CLIP4: variants seen among roughly 807,000 people sequenced by gnomAD.
CLIP4 encodes the protein CAP-Gly domain-containing linker protein 4.
Under a neutral mutation model 73.1 loss-of-function variants are expected in CLIP4, and 47 were observed. The observed-to-expected ratio is 0.64, with a 90% confidence interval of 0.51 to 0.82. The LOEUF (loss-of-function observed/expected upper bound fraction) is 0.82, where lower values mean the gene tolerates loss of function less well. CLIP4 is among the 40% of genes least tolerant of loss of function. The pLI is 0.00. For missense variants in CLIP4, 874 were observed against 852.9 expected, an observed-to-expected ratio of 1.02 and a Z score of -0.31; for synonymous variants, 306 against 295.4, an observed-to-expected ratio of 1.04 and a Z score of -0.37.
chr2:29,151,723 A>G (rs949551268), intron 8 of CLIP4, among the ~76,000 whole-genome samples: 1 of 152,174 alleles, frequency 6.6e-6, no homozygotes, highest in African/African-American at 2.4e-5. Context: ...GTCATAATGT[A>G]TATTTGCTAG....
At chr2:29,157,881 A>G (rs565299720) in intron 11 of CLIP4, among the ~76,000 whole-genome samples, 115 of 152,354 alleles carry the variant, frequency 7.5e-4, no homozygotes, top group Non-Finnish European at 1.2e-3. Context: ...CAGTTCACTT[A>G]TTTGCCTATA....
intron 1 of CLIP4, among the ~76,000 whole-genome samples, chr2:29,102,455 C>T (rs922747551): frequency 6.6e-6 from 1 of 152,126 alleles, no homozygotes; most frequent in Non-Finnish European, 1.5e-5. Context: ...CTGTTGCCAC[C>T]TGAGTTCAGG....
At chr2:29,165,822 TTCC>T in intron 13 of CLIP4, among the ~76,000 whole-genome samples, 1 of 152,298 alleles carries the variant, frequency 6.6e-6, no homozygotes, top group Middle Eastern at 3.4e-3. Context: ...TAACAGCTTT[TTCC>T]TCCTCCTTTA....
Position 29,176,056 on chromosome 2 carries a change from C to T in CLIP4, c.1796+1611C>T, listed in dbSNP as rs567928725. Among the ~76,000 whole-genome samples the T allele has an allele frequency of 3.7e-4, 56 of 152,326 alleles. No homozygotes were observed. The South Asian group carries it at 5.6e-3, about 15-fold the overall frequency. ...GATTACAGGCGTGAGCCACCGCACC[C>T]GGCTGAGAATAAACTTTTTAAATTA... On this transcript the variant is annotated intron_variant, in intron 15 of 15. Transcript: ENST00000320081.
At chr2:29,110,601 G>T (rs117415733), upstream of CLIP4, among the ~76,000 whole-genome samples, 3,464 of 152,274 alleles carry the variant, frequency 0.023, 114 homozygotes, top group East Asian at 0.091. Context: ...CTGTAGAATG[G>T]ATGTTGAGTA....
chr2:29,109,982 G>A (rs920063868), intron 1 of CLIP4, among the ~76,000 whole-genome samples: 7 of 152,038 alleles, frequency 4.6e-5, no homozygotes, highest in African/African-American at 1.2e-4. Context: ...CGCTTGAACC[G>A]AGGAGGTGGA....
intron 1 of CLIP4, among the ~76,000 whole-genome samples, chr2:29,106,056 C>CT (rs34819898): frequency 0.12 from 16,745 of 144,832 alleles, 1,469 homozygotes; most frequent in East Asian, 0.47. Context: ...AGCATTTAAT[C>CT]TTTTTTTTTT....
At chr2:29,174,300 T>A (rs1668193253) in intron 14 of CLIP4, 73 bp from the exon 15 acceptor site, 2 of 1,209,810 alleles carry the variant, frequency 1.7e-6, no homozygotes, top group Non-Finnish European at 2.4e-6. Flanking sequence ...ACAGAAGAAG[T>A]GATAAAATAT....
At chr2:29,124,336 T>C (rs2148469649) in intron 2 of CLIP4, among the ~76,000 whole-genome samples, 1 of 152,332 alleles carries the variant, frequency 6.6e-6, no homozygotes, top group South Asian at 2.1e-4. Context: ...CCATTTGCAT[T>C]GTTTCTGCTG....
intron 2 of CLIP4, among the ~76,000 whole-genome samples, chr2:29,125,693 G>A (rs1164178622): frequency 3.3e-5 from 5 of 152,130 alleles, no homozygotes; most frequent in Non-Finnish European, 7.4e-5. Context: ...TTTCTCATTT[G>A]TATTCCATTC....
At chr2:29,119,887 C>G (rs1664139240) in intron 1 of CLIP4, among the ~76,000 whole-genome samples, 1 of 152,192 alleles carries the variant, frequency 6.6e-6, no homozygotes, top group Admixed American at 6.5e-5. Flanking sequence ...GCCTCATAAT[C>G]TATAGTTATT....
rs201143374 is a variant in CLIP4, at chr2:29,131,287, T to A, written c.163T>A (p.Ser55Thr). ...EFSFFDPNDASCQEILFDPKT... is the reference protein window; with the variant it reads ...EFSFFDPNDATCQEILFDPKT... ...TTCTTTCTTTGATCCTAATGATGCA[T>A]CATGCCAGGAAATTCTTTTTGATCC... The change falls in exon 3 of 16, where the codon TCA (serine) becomes ACA (threonine). Residue 55 changes from serine to threonine, a missense_variant. Physicochemically the swap from Ser to Thr is moderately conservative, Grantham distance 58. Transcript: ENST00000320081. 208 of 1,608,160 alleles carry A rather than the reference T, an allele frequency of 1.3e-4. 3 individuals carry two copies. The East Asian group carries it at 4.4e-3, about 34-fold the overall frequency.
In CLIP4 at chr2:29,145,414, C is replaced by A. The variant is rs199671366; in HGVS notation, c.1021+47C>A. On this transcript the variant is annotated intron_variant, in intron 8 of 15. Coordinates refer to ENST00000320081, the MANE Select transcript of CLIP4 (RefSeq NM_024692.6). ...TCGGTAAGAATTAATTAAAAATAAT[C>A]AAGTTTTACTCTTTTACAGTTGTTA... 2.0e-5 allele frequency: 29 copies of A among 1,469,984 alleles called. No homozygotes were observed. The Admixed American group carries it at 5.4e-4, about 27-fold the overall frequency. The allele number at this position is 1,469,984 out of a possible 1,614,324, so 91.1% of individuals were successfully genotyped here. A position where few individuals can be genotyped will look rare whatever the true frequency, so the allele number is the denominator to read the frequency against.
chr2:29,116,244 T>C lies in CLIP4; in HGVS notation c.-16+579T>C, dbSNP rs561475820. On this transcript the variant is annotated intron_variant, in intron 1 of 15. Transcript: ENST00000320081. ...TGAGCCCGCATCCTTAAGGATCCCA[T>C]TCACTGCTTATGATGGTAGAGCTTT... Among the ~76,000 whole-genome samples, 6 of 152,304 alleles carry C rather than the reference T, an allele frequency of 3.9e-5. No homozygotes were observed. The South Asian group carries it at 1.2e-3, about 32-fold the overall frequency.
At chr2:29,116,138 C>A (rs1203342691) in intron 1 of CLIP4, among the ~76,000 whole-genome samples, 1 of 152,218 alleles carries the variant, frequency 6.6e-6, no homozygotes. Context: ...AATGGCTGTC[C>A]TTGCAGTCCT....
chr2:29,169,809 T>C (rs1013986332), intron 14 of CLIP4, among the ~76,000 whole-genome samples: 1 of 152,154 alleles, frequency 6.6e-6, no homozygotes, highest in Non-Finnish European at 1.5e-5. Context: ...TACAATGTTG[T>C]TACCCGTAAT....
At chr2:29,122,575 G>T (rs1378076016) in intron 2 of CLIP4, among the ~76,000 whole-genome samples, 4 of 152,046 alleles carry the variant, frequency 2.6e-5, no homozygotes, top group African/African-American at 9.7e-5. Flanking sequence ...GTTGCTCAAT[G>T]ATTGTTGAAT....
chr2:29,171,671 A>AC (rs1361103368), intron 14 of CLIP4, among the ~76,000 whole-genome samples: 1 of 151,530 alleles, frequency 6.6e-6, no homozygotes, highest in Non-Finnish European at 1.5e-5. Flanking sequence ...GGCACCCACC[A>AC]CCACGCCCGG....
At chr2:29,151,013 A>C (rs1043231273) in intron 8 of CLIP4, among the ~76,000 whole-genome samples, 1 of 152,178 alleles carries the variant, frequency 6.6e-6, no homozygotes, top group African/African-American at 2.4e-5. Context: ...TAGTGAATTC[A>C]TTCATCATAT....
Sources: allele counts gnomAD v4.1 joint callset (sites outside exome capture counted in the v4.1 genomes callset), GRCh38; gene constraint gnomAD v4.1.1; transcripts MANE v1.5; gene names NCBI Gene and HGNC (gene_info 2026-07-23, HGNC 2026-07-21).